The following PEMT variants were observed in gnomAD, a reference collection of about 807,000 sequenced individuals.
PEMT encodes the protein phosphatidylethanolamine N-methyltransferase.
Under a neutral mutation model 27.4 loss-of-function variants are expected in PEMT, and 23 were observed. The ratio of observed to expected loss-of-function variants is 0.84; its 90% CI spans 0.60 to 1.19. The LOEUF (loss-of-function observed/expected upper bound fraction) is 1.19, where lower values mean the gene tolerates loss of function less well. Among genes scored for constraint, PEMT ranks in the 50% most tolerant of loss-of-function variants. The pLI is 0.00. For synonymous variants in PEMT, 137 were observed against 139.1 expected (o/e 0.98, Z 0.11); for missense variants, 307 against 310.1 (o/e 0.99, Z 0.07).
At position 17,513,461 on chromosome 17, in the gene PEMT, G is replaced by A. The variant is rs1309855757; in HGVS notation, c.321-807C>T. 6.6e-6 allele frequency among the ~76,000 whole-genome samples: 1 copy of A among 152,206 alleles called. No individual in the cohort carries two copies. The highest frequency in any genetic ancestry group is 2.4e-5 in the African/African-American group (1 of 41,444). On this transcript the variant is annotated intron_variant, in intron 3 of 6. Transcript: ENST00000255389. The surrounding 1 kb of genome is among the most constrained non-coding windows in gnomAD (Gnocchi z 4.1). ...AAAATACAAAAATTAGCTGGGTGTG[G>A]TGGTGGGCACCTGGAATCCCAGCTA...
chr17:17,577,643 G>C (rs1303276858), intron 1 of PEMT, among the ~76,000 whole-genome samples: 1 of 151,342 alleles, frequency 6.6e-6, no homozygotes, highest in Admixed American at 6.6e-5. Flanking sequence ...AAACAACTTA[G>C]GTGTCCAGCA....
At chr17:17,580,138 C>T (rs1163100100) in intron 1 of PEMT, among the ~76,000 whole-genome samples, 2 of 152,132 alleles carry the variant, frequency 1.3e-5, no homozygotes, top group African/African-American at 4.8e-5. Context: ...GCTTCTAGAA[C>T]CTGGGGCTTA....
chr17:17,508,653 G>T (rs1906093281), intron 5 of PEMT: 8 of 353,476 alleles, frequency 2.3e-5, no homozygotes, highest in Non-Finnish European at 2.9e-5. Flanking sequence ...TGCTGGGGTG[G>T]GGGCTGGGTA....
intron 1 of PEMT, among the ~76,000 whole-genome samples, chr17:17,583,668 G>A (rs962217751): frequency 1.3e-5 from 2 of 152,224 alleles, no homozygotes; most frequent in Admixed American, 6.5e-5. Context: ...AGCAAGAACA[G>A]ATGTAAAAGT....
chr17:17,532,726 C>CA (rs1236104470), intron 2 of PEMT, among the ~76,000 whole-genome samples: 1 of 151,956 alleles, frequency 6.6e-6, no homozygotes, highest in Non-Finnish European at 1.5e-5. Context: ...TAAAAAAAGA[C>CA]AAAAAACAAA....
chr17:17,552,018 A>G (rs1427078418), intron 2 of PEMT, among the ~76,000 whole-genome samples: 3 of 152,234 alleles, frequency 2.0e-5, no homozygotes, highest in African/African-American at 7.2e-5. Flanking sequence ...CCTGGCCAAC[A>G]TGGCGAAACC....
intron 3 of PEMT, among the ~76,000 whole-genome samples, chr17:17,521,593 T>A (rs913248176): frequency 2.6e-5 from 4 of 152,014 alleles, no homozygotes; most frequent in Admixed American, 2.6e-4. Context: ...AGACGGAGTC[T>A]CGCTCTGTTG....
At chr17:17,571,939 T>A (rs1351325619) in intron 2 of PEMT, among the ~76,000 whole-genome samples, 2 of 152,198 alleles carry the variant, frequency 1.3e-5, no homozygotes, top group Admixed American at 6.5e-5. Context: ...GCTCAAGCGA[T>A]CCGCCTGCCT....
chr17:17,591,324 G>T, intron 1 of PEMT: 1 of 556,876 alleles, frequency 1.8e-6, no homozygotes, highest in South Asian at 2.2e-5. Flanking sequence ...CACGCAATCT[G>T]AGGTTTACAC....
rs1417942814 is a variant in PEMT at position 17,517,491 on chromosome 17, G to A, written c.320+4789C>T. Among the ~76,000 whole-genome samples the A allele has an allele frequency of 6.0e-5, 9 of 151,248 alleles. No homozygotes were observed. In the East Asian group the frequency reaches 9.9e-4, roughly 17 times the overall value. ...TCCTTCATGCAGCCGCTCAACCCCC[G>A]GCCTGTCCTGACCACATCCTTGAGC... On this transcript the variant is annotated intron_variant, in intron 3 of 6. Transcript: ENST00000255389.
intron 2 of PEMT, among the ~76,000 whole-genome samples, chr17:17,538,463 G>T (rs1033415200): frequency 6.6e-6 from 1 of 152,212 alleles, no homozygotes. Flanking sequence ...GCTGAGGCAG[G>T]AGGATCACTT....
intron 3 of PEMT, among the ~76,000 whole-genome samples, chr17:17,516,124 G>A (rs576073901): frequency 8.0e-4 from 122 of 152,096 alleles, no homozygotes; most frequent in Non-Finnish European, 1.5e-3. Flanking sequence ...TCTCCGCAAC[G>A]TCGTCCACAT....
chr17:17,564,375 C>CT (rs1910687064), intron 2 of PEMT, among the ~76,000 whole-genome samples: 1 of 151,864 alleles, frequency 6.6e-6, no homozygotes, highest in Non-Finnish European at 1.5e-5. Flanking sequence ...GTTTCCAAGC[C>CT]CTCTTCCCCA....
intron 2 of PEMT, among the ~76,000 whole-genome samples, chr17:17,571,660 GC>G (rs1340909310): frequency 6.6e-6 from 1 of 151,774 alleles, no homozygotes; most frequent in Non-Finnish European, 1.5e-5. Flanking sequence ...CCTCTCCAGT[GC>G]CCCCAGCTCC....
intron 2 of PEMT, among the ~76,000 whole-genome samples, chr17:17,558,885 A>G (rs1188858006): frequency 6.6e-6 from 1 of 151,968 alleles, no homozygotes; most frequent in Non-Finnish European, 1.5e-5. Context: ...AGCCCACCCA[A>G]CCAGGGTCCT....
At chr17:17,569,836 G>A (rs943742702) in intron 2 of PEMT, among the ~76,000 whole-genome samples, 3 of 152,152 alleles carry the variant, frequency 2.0e-5, no homozygotes, top group African/African-American at 4.8e-5. Context: ...TGGCTCCCTC[G>A]GGACAACACA....
At chr17:17,577,457 C>T in intron 1 of PEMT, 1 of 1,038,222 alleles carries the variant, frequency 9.6e-7, no homozygotes, top group Non-Finnish European at 1.2e-6. Flanking sequence ...TGGTGTGCCT[C>T]TCCTCGCCCA....
In PEMT at chr17:17,512,966, G is replaced by T. The variant is rs190777210; in HGVS notation, c.321-312C>A. On this transcript the variant is annotated intron_variant, in intron 3 of 6. Transcript: ENST00000255389. The surrounding 1 kb of genome is among the most constrained non-coding windows in gnomAD (Gnocchi z 6.3). ...GAAAGCCACTTTAGACCCTGCATGT[G>T]AGCAGGCTGGATTCAGCCCGAAGGC... is the stretch of plus-strand genomic sequence containing the variant. Among the ~76,000 whole-genome samples the T allele has an allele frequency of 6.6e-6, 1 of 152,216 alleles. No homozygotes were observed. The highest frequency in any genetic ancestry group is 2.4e-5 in the African/African-American group (1 of 41,452).
rs551149216 is a variant in PEMT at position 17,509,507 on chromosome 17, C to T, written c.505G>A (p.Val169Met). ...FGILKEARVT[V>M]FPFNILDNPM... The stretch of plus-strand genomic sequence containing the variant: ...TTGTCCAGGATGTTGAAGGGGAACA[C>T]GGTCACTCTCGCCTCCTTGAGGATC... Residue 169 changes from valine (V) to methionine (M), a missense_variant, in exon 5 of 7, where the codon GTG becomes ATG. Transcript: ENST00000255389. 535 of 1,613,920 alleles carry T rather than the reference C, an allele frequency of 3.3e-4. 2 individuals are homozygous for T. The South Asian group carries it at 3.6e-3, about 11-fold the overall frequency.
Sources: gnomAD v4.1 joint callset for allele counts (sites outside exome capture counted in the v4.1 genomes callset) on GRCh38, gnomAD v4.1.1 for gene constraint, Gnocchi (gnomAD v3.1) non-coding constraint, MANE v1.5 for transcripts, NCBI Gene and HGNC (gene_info 2026-07-23, HGNC 2026-07-21) for gene names.